CDH12: variants seen among roughly 807,000 people sequenced by gnomAD.
CDH12 encodes cadherin-12.
In CDH12, 41 loss-of-function variants were observed where a neutral mutation model predicts 74.1. The observed-to-expected ratio is 0.55, with a 90% confidence interval of 0.43 to 0.72. The LOEUF (loss-of-function observed/expected upper bound fraction) is 0.72, where lower values mean the gene tolerates loss of function less well. Ranked by LOEUF, CDH12 falls within the 30% of genes least tolerant of loss-of-function variation. The pLI is 0.00. For synonymous variants in CDH12, 399 were observed against 355.0 expected (o/e 1.12, Z -1.39); for missense variants, 945 against 977.2 (o/e 0.97, Z 0.44).
intron 5 of CDH12, among the ~76,000 whole-genome samples, chr5:22,061,442 T>C (rs1301069205): frequency 6.6e-6 from 1 of 152,152 alleles, no homozygotes; most frequent in Admixed American, 6.6e-5. Context: ...TATTCAAATA[T>C]AGGTTTGAAT....
intron 1 of CDH12, among the ~76,000 whole-genome samples, chr5:22,656,082 C>G (rs2126890648): frequency 6.6e-6 from 1 of 151,448 alleles, no homozygotes; most frequent in East Asian, 1.9e-4. Context: ...TAGTGTAAGC[C>G]CTCTTCTGAG....
At chr5:21,856,399 A>C (rs550627148) in intron 6 of CDH12, among the ~76,000 whole-genome samples, 3 of 151,752 alleles carry the variant, frequency 2.0e-5, no homozygotes, top group Non-Finnish European at 4.4e-5. Context: ...CTGGATATAA[A>C]TATTACAATT....
At chr5:22,267,869 C>T (rs192940188) in intron 3 of CDH12, among the ~76,000 whole-genome samples, 11 of 152,214 alleles carry the variant, frequency 7.2e-5, no homozygotes, top group Admixed American at 3.9e-4. Context: ...GAAGCCTGGA[C>T]GTAGACTACC....
intron 5 of CDH12, among the ~76,000 whole-genome samples, chr5:21,998,358 AC>A (rs984233154): frequency 3.9e-5 from 6 of 152,118 alleles, no homozygotes; most frequent in Admixed American, 3.3e-4. Context: ...ATATATATAT[AC>A]ATTTGCACTT....
chr5:22,425,567 C>T (rs988036537), intron 2 of CDH12, among the ~76,000 whole-genome samples: 2 of 151,860 alleles, frequency 1.3e-5, no homozygotes, highest in South Asian at 2.1e-4. Context: ...CAATATAGTT[C>T]GTCAGTTTTC....
chr5:22,022,637 G>A (rs1374222730), intron 5 of CDH12, among the ~76,000 whole-genome samples: 2 of 152,008 alleles, frequency 1.3e-5, no homozygotes, highest in Non-Finnish European at 2.9e-5. Context: ...AATATCACAG[G>A]CTGAGTATCT....
chr5:22,146,077 T>A (rs1366664811), intron 4 of CDH12, among the ~76,000 whole-genome samples: 4 of 152,062 alleles, frequency 2.6e-5, no homozygotes, highest in Non-Finnish European at 5.9e-5. Context: ...CACTTAATTG[T>A]AATGACCTGT....
chr5:22,479,656 T>C (rs1746306937), intron 2 of CDH12, among the ~76,000 whole-genome samples: 1 of 152,218 alleles, frequency 6.6e-6, no homozygotes, highest in Non-Finnish European at 1.5e-5. Context: ...TCTAAATCAT[T>C]ATCTATTTGT....
intron 1 of CDH12, among the ~76,000 whole-genome samples, chr5:22,573,498 AT>A (rs1416939141): frequency 6.6e-6 from 1 of 152,172 alleles, no homozygotes; most frequent in African/African-American, 2.4e-5. Flanking sequence ...CACACAAAAA[AT>A]AATAACCAGA....
At position 22,126,619 on chromosome 5, in the gene CDH12, T is replaced by A. The variant is rs539762266; in HGVS notation, c.-186-47757A>T. Among the ~76,000 whole-genome samples, 460 of 152,368 alleles carry A rather than the reference T, an allele frequency of 3.0e-3. 2 individuals carry two copies. The highest frequency in any genetic ancestry group is 4.9e-3 in the Non-Finnish European group (331 of 68,032). ...TTTACTATAGCCATTTCTTGTTCTA[T>A]TCTATTTGAGTATTTGCTCTATATA... On this transcript the variant is annotated intron_variant, in intron 4 of 14. Coordinates refer to ENST00000382254, the MANE Select transcript of CDH12 (RefSeq NM_004061.5).
intron 4 of CDH12, among the ~76,000 whole-genome samples, chr5:22,176,763 C>A (rs1749357041): frequency 6.6e-6 from 1 of 152,090 alleles, no homozygotes; most frequent in Non-Finnish European, 1.5e-5. Flanking sequence ...CAGATCATAC[C>A]ACTCTTCTGC....
At chr5:22,718,424 C>T (rs957049095) in intron 1 of CDH12, among the ~76,000 whole-genome samples, 2 of 152,122 alleles carry the variant, frequency 1.3e-5, no homozygotes, top group African/African-American at 2.4e-5. Flanking sequence ...ATCTCATGAT[C>T]GTTGTTTCCA....
chr5:21,856,894 T>G (rs911206659), intron 6 of CDH12, among the ~76,000 whole-genome samples: 5 of 151,872 alleles, frequency 3.3e-5, no homozygotes, highest in African/African-American at 1.2e-4. Flanking sequence ...AATTACAGTA[T>G]AGGTTAATCC....
At chr5:22,613,752 G>A (rs567361308) in intron 1 of CDH12, among the ~76,000 whole-genome samples, 1 of 152,182 alleles carries the variant, frequency 6.6e-6, no homozygotes, top group South Asian at 2.1e-4. Flanking sequence ...ATATAGAGAA[G>A]CGATTGCTTT....
At chr5:22,463,848 C>T (rs1335209494) in intron 2 of CDH12, among the ~76,000 whole-genome samples, 2 of 152,086 alleles carry the variant, frequency 1.3e-5, no homozygotes, top group South Asian at 2.1e-4. Flanking sequence ...ATTCAGAATG[C>T]TTACCCTTTA....
intron 1 of CDH12, among the ~76,000 whole-genome samples, chr5:22,584,882 T>C (rs554827210): frequency 4.2e-4 from 64 of 152,332 alleles, no homozygotes; most frequent in African/African-American, 1.5e-3. Context: ...TTGAACTCTT[T>C]AACACCATTT....
At chr5:22,784,457 C>T (rs1468296634) in intron 1 of CDH12, among the ~76,000 whole-genome samples, 1 of 152,104 alleles carries the variant, frequency 6.6e-6, no homozygotes, top group Non-Finnish European at 1.5e-5. Context: ...GACAATGACT[C>T]ATCTTCTGCA....
chr5:22,451,902 T>C (rs1745058491), intron 2 of CDH12, among the ~76,000 whole-genome samples: 1 of 151,786 alleles, frequency 6.6e-6, no homozygotes, highest in Non-Finnish European at 1.5e-5. Context: ...CATCAACATA[T>C]AAAAATCAAT....
chr5:22,529,011 G>C (rs1737415392), intron 1 of CDH12, among the ~76,000 whole-genome samples: 1 of 109,592 alleles, frequency 9.1e-6, no homozygotes. Context: ...AGAACCAATA[G>C]AATGTGTGTC....
Sources: allele counts gnomAD v4.1 joint callset (sites outside exome capture counted in the v4.1 genomes callset), GRCh38; gene constraint gnomAD v4.1.1; transcripts MANE v1.5; gene names NCBI Gene and HGNC (gene_info 2026-07-23, HGNC 2026-07-21).